Variants in ADAM12 observed in about 807,000 individuals in gnomAD.
ADAM12 encodes the protein disintegrin and metalloproteinase domain-containing protein 12.
ADAM12 carries 70 observed loss-of-function variants against 106.4 expected under a neutral mutation model. That is an observed-to-expected ratio of 0.66 (90% CI 0.54 to 0.80). The LOEUF is 0.80. Among genes scored for constraint, ADAM12 ranks in the 30% least tolerant of loss-of-function variants. The pLI, the probability that ADAM12 is intolerant of heterozygous loss-of-function variation, is 0.00. For synonymous variants in ADAM12, 420 were observed against 433.5 expected, an observed-to-expected ratio of 0.97 and a Z score of 0.39; for missense variants, 1,010 against 1,171.9, an observed-to-expected ratio of 0.86 and a Z score of 2.02.
intron 2 of ADAM12, among the ~76,000 whole-genome samples, chr10:126,296,308 A>AT (rs1226012485): frequency 3.3e-5 from 5 of 151,974 alleles, no homozygotes; most frequent in Non-Finnish European, 7.4e-5. Flanking sequence ...TGCCTGACTA[A>AT]TTTTTTAGTA....
At chr10:126,314,155 G>A (rs1177621896) in intron 2 of ADAM12, among the ~76,000 whole-genome samples, 2 of 152,190 alleles carry the variant, frequency 1.3e-5, no homozygotes, top group Non-Finnish European at 2.9e-5. Context: ...GACCTGAGCA[G>A]GTTGGCAGGA....
At chr10:126,143,357 A>C in intron 4 of ADAM12, among the ~76,000 whole-genome samples, 1 of 143,990 alleles carries the variant, frequency 6.9e-6, no homozygotes, top group Non-Finnish European at 1.5e-5. Context: ...ATGTGTGTAT[A>C]TATACATGTG....
At chr10:126,157,038 G>GA (rs1956832053) in intron 3 of ADAM12, among the ~76,000 whole-genome samples, 5 of 151,692 alleles carry the variant, frequency 3.3e-5, no homozygotes, top group African/African-American at 1.2e-4. Flanking sequence ...TGTGTGGGGG[G>GA]GTGCTCCTCC....
chr10:126,180,045 C>G (rs1426858925), intron 3 of ADAM12, among the ~76,000 whole-genome samples: 1 of 152,168 alleles, frequency 6.6e-6, no homozygotes, highest in African/African-American at 2.4e-5. Flanking sequence ...CCATACAATA[C>G]CCATCCATAT....
chr10:126,024,428 C>T (rs190987738), intron 21 of ADAM12, among the ~76,000 whole-genome samples: 3,412 of 152,082 alleles, frequency 0.022, 45 homozygotes, highest in Non-Finnish European at 0.034. Flanking sequence ...TAAAAAATAA[C>T]TTCAATCTTT....
At chr10:126,378,473 T>C (rs923108294) in intron 1 of ADAM12, among the ~76,000 whole-genome samples, 1 of 152,330 alleles carries the variant, frequency 6.6e-6, no homozygotes, top group Admixed American at 6.5e-5. Flanking sequence ...AAATATATAT[T>C]GATTTTTTAA....
Position 126,330,486 on chromosome 10 carries a change from T to C in ADAM12, c.112A>G (p.Arg38Gly), listed in dbSNP as rs780147903. 6.2e-7 allele frequency: 1 copy of C among 1,613,372 alleles called. No individual in the cohort carries two copies. Among genetic ancestry groups the C allele is most frequent in the Non-Finnish European group, 8.5e-7 (1 of 1,179,488 alleles). The change falls in exon 2 of 23, where the codon AGA becomes GGA. Residue 38 changes from arginine (R) to glycine (G), a missense_variant. This residue lies in a region of ADAM12 where 391 missense variants were observed against 442.9 expected (regional missense o/e 0.88). Coordinates refer to ENST00000448723, the MANE Select transcript of ADAM12 (RefSeq NM_001288973.2). ...ARGVSLWNQG[R>G]ADEVVSASVG... The stretch of plus-strand genomic sequence containing the variant: ...GAGGCACTGACAACTTCATCAGCTC[T>C]TCCTTGGTTCCATAAGCTCACCCCT...
At chr10:126,264,621 AG>A (rs1278349178) in intron 3 of ADAM12, among the ~76,000 whole-genome samples, 3 of 152,348 alleles carry the variant, frequency 2.0e-5, no homozygotes, top group Middle Eastern at 3.4e-3. Context: ...GGGTCCCTGA[AG>A]AAGTAGGGTT....
chr10:126,033,366 G>A (rs759449197), intron 21 of ADAM12, among the ~76,000 whole-genome samples: 2 of 152,162 alleles, frequency 1.3e-5, no homozygotes, highest in African/African-American at 4.8e-5. Flanking sequence ...GTCTGGACAA[G>A]GTGGAATAAG....
At chr10:126,188,066 T>G (rs1359571161) in intron 3 of ADAM12, among the ~76,000 whole-genome samples, 9 of 152,192 alleles carry the variant, frequency 5.9e-5, no homozygotes, top group Admixed American at 5.9e-4. Context: ...GAAGGGGCAA[T>G]GACAGCCCAG....
chr10:126,228,255 C>T (rs556203906), intron 3 of ADAM12, among the ~76,000 whole-genome samples: 2 of 152,316 alleles, frequency 1.3e-5, no homozygotes, highest in South Asian at 2.1e-4. Flanking sequence ...TTGGTATTAA[C>T]AAAGGCTTAA....
intron 18 of ADAM12, chr10:126,042,032 G>A: frequency 6.7e-7 from 1 of 1,488,412 alleles, no homozygotes; most frequent in East Asian, 2.4e-5. Flanking sequence ...GGAAACGATG[G>A]CAAAGCCACA....
rs1240104955 is a variant in ADAM12 at position 126,016,063 on chromosome 10, CT to C, written c.*1215del. On this transcript the variant is annotated 3_prime_UTR_variant, in exon 23 of 23. Transcript: ENST00000448723. The stretch of plus-strand genomic sequence containing the variant: ...AGTGTTTAAGAAATAGGTTCAGACT[CT>C]GTTAAAAGCATCTTTTAAAGATTCC... 2 of 152,168 alleles carry C rather than the reference CT, an allele frequency of 1.3e-5. No homozygotes were observed. The highest frequency in any genetic ancestry group is 1.3e-4 in the Admixed American group (2 of 15,278). 9.4% of individuals were successfully genotyped at this position (152,168 alleles called of 1,614,324 possible).
intron 5 of ADAM12, among the ~76,000 whole-genome samples, chr10:126,121,428 A>G (rs1236083848): frequency 7.6e-6 from 1 of 131,876 alleles, no homozygotes; most frequent in Admixed American, 8.3e-5. Flanking sequence ...TATGCAATAT[A>G]TTATATATTG....
intron 3 of ADAM12, among the ~76,000 whole-genome samples, chr10:126,192,274 T>C (rs1334110433): frequency 6.6e-6 from 1 of 152,312 alleles, no homozygotes; most frequent in South Asian, 2.1e-4. Flanking sequence ...TTAATATACA[T>C]ACATAAAATG....
At chr10:126,041,109 G>A (rs1038587041) in intron 18 of ADAM12, among the ~76,000 whole-genome samples, 1 of 152,122 alleles carries the variant, frequency 6.6e-6, no homozygotes, top group Non-Finnish European at 1.5e-5. Flanking sequence ...GCCGCTCTGT[G>A]GGGGTTGCTC....
rs1429570842 is a variant in ADAM12, at chr10:126,013,076, A to C, written c.*4203T>G. On this transcript the variant is annotated 3_prime_UTR_variant, in exon 23 of 23. Transcript: ENST00000448723. This position sits in a 1 kb window ranked among gnomAD's most constrained non-coding sequence, Gnocchi z 4.3. ...ACATTGAGAATTACTTTGTATGTTA[A>C]ATCTTCTGGCCATCATTATCCATTA... 4 of 152,200 alleles carry C rather than the reference A, an allele frequency of 2.6e-5. No individual in the cohort carries two copies. Among genetic ancestry groups the C allele is most frequent in the Non-Finnish European group, 5.9e-5 (4 of 68,034 alleles). The allele number at this position is 152,200 out of a possible 1,614,324, so 9.4% of individuals were successfully genotyped here. A position where few individuals can be genotyped will look rare whatever the true frequency, so the allele number is the denominator to read the frequency against.
intron 1 of ADAM12, among the ~76,000 whole-genome samples, chr10:126,380,875 C>T (rs150855294): frequency 6.6e-6 from 1 of 152,342 alleles, no homozygotes; most frequent in African/African-American, 2.4e-5. Context: ...GAAAATTCTA[C>T]ACCTGTCTTT....
chr10:126,142,002 C>T (rs1387798256), intron 4 of ADAM12, among the ~76,000 whole-genome samples: 1 of 152,142 alleles, frequency 6.6e-6, no homozygotes, highest in African/African-American at 2.4e-5. Context: ...ACCTAAATAA[C>T]CATCAAAGGT....
Sources: allele counts gnomAD v4.1 joint callset (sites outside exome capture counted in the v4.1 genomes callset), GRCh38; gene constraint gnomAD v4.1.1; regional missense constraint gnomAD v4.1.1; non-coding constraint Gnocchi (gnomAD v3.1); transcripts MANE v1.5; gene names NCBI Gene and HGNC (gene_info 2026-07-23, HGNC 2026-07-21).